The following LIN28B variants were observed in gnomAD, a reference collection of about 807,000 sequenced individuals.
LIN28B encodes lin-28 RNA binding posttranscriptional regulator B, also known as protein lin-28 homolog B.
LIN28B carries 5 observed loss-of-function variants against 21.9 expected under a neutral mutation model. The ratio of observed to expected loss-of-function variants is 0.23; its 90% confidence interval spans 0.12 to 0.48. The LOEUF is 0.48. Ranked by LOEUF, LIN28B falls within the 20% of genes least tolerant of loss-of-function variation. The pLI is 0.98. For missense variants in LIN28B, 245 were observed against 310.5 expected, an observed-to-expected ratio of 0.79 and a Z score of 1.58; for synonymous variants, 109 against 111.3, an observed-to-expected ratio of 0.98 and a Z score of 0.13.
chr6:104,990,137 T>A (rs1400863115), intron 2 of LIN28B, among the ~76,000 whole-genome samples: 2 of 152,010 alleles, frequency 1.3e-5, no homozygotes, highest in South Asian at 2.1e-4. Flanking sequence ...TAGTTACTTT[T>A]CTGTAATTGA....
intron 2 of LIN28B, among the ~76,000 whole-genome samples, chr6:104,961,624 G>A (rs922436425): frequency 6.6e-6 from 1 of 152,108 alleles, no homozygotes; most frequent in South Asian, 2.1e-4. Flanking sequence ...CTAGTCACGA[G>A]CTCCTGACCT....
At chr6:104,960,163 A>G (rs1457016467) in intron 2 of LIN28B, among the ~76,000 whole-genome samples, 1 of 152,156 alleles carries the variant, frequency 6.6e-6, no homozygotes, top group Non-Finnish European at 1.5e-5. Context: ...CAGTTCATGT[A>G]TATATTAAAA....
chr6:105,048,066 G>A (rs995718619), intron 3 of LIN28B, among the ~76,000 whole-genome samples: 9 of 152,220 alleles, frequency 5.9e-5, no homozygotes, highest in Non-Finnish European at 1.0e-4. Flanking sequence ...TTGAATAAGA[G>A]TGGTGAGAGA....
chr6:104,969,844 A>G (rs1769937919), intron 2 of LIN28B, among the ~76,000 whole-genome samples: 1 of 152,246 alleles, frequency 6.6e-6, no homozygotes, highest in South Asian at 2.1e-4. Flanking sequence ...CTGAATTAAT[A>G]ACAGCACAAG....
intron 3 of LIN28B, among the ~76,000 whole-genome samples, chr6:105,030,203 T>C (rs1771390235): frequency 2.0e-5 from 3 of 152,148 alleles, no homozygotes; most frequent in Admixed American, 6.5e-5. Flanking sequence ...CAATAAAATA[T>C]TCAATAAACA....
intron 2 of LIN28B, among the ~76,000 whole-genome samples, chr6:104,976,193 C>T (rs1019691589): frequency 3.9e-5 from 6 of 152,042 alleles, no homozygotes; most frequent in African/African-American, 1.2e-4. Context: ...TTTCTGACCT[C>T]GTGGAGCTTA....
At chr6:105,005,398 G>A (rs544229900) in intron 2 of LIN28B, among the ~76,000 whole-genome samples, 1 of 152,150 alleles carries the variant, frequency 6.6e-6, no homozygotes, top group African/African-American at 2.4e-5. Context: ...TCTCAATAAA[G>A]TGTTCTCCTT....
intron 2 of LIN28B, among the ~76,000 whole-genome samples, chr6:104,990,582 T>A (rs185523405): frequency 0.019 from 2,546 of 136,132 alleles, 69 homozygotes; most frequent in African/African-American, 0.064. Context: ...TTTTTTTTTT[T>A]ATTGATCATT....
chr6:104,997,091 C>T (rs1770621024), intron 2 of LIN28B, among the ~76,000 whole-genome samples: 2 of 151,998 alleles, frequency 1.3e-5, no homozygotes, highest in Admixed American at 6.6e-5. Flanking sequence ...ACCATCCTGG[C>T]TAACACGGTG....
At chr6:104,937,194 CA>C (rs1778019107) in intron 2 of LIN28B, 1 of 152,130 alleles carries the variant, frequency 6.6e-6, no homozygotes, top group Admixed American at 6.6e-5. Flanking sequence ...GGCTGGAGTT[CA>C]GTGGTGCGAT....
At chr6:105,035,810 C>G (rs544207322) in intron 3 of LIN28B, among the ~76,000 whole-genome samples, 1 of 152,216 alleles carries the variant, frequency 6.6e-6, no homozygotes, top group South Asian at 2.1e-4. Flanking sequence ...CATTTGTATA[C>G]TTAATTTAAA....
chr6:105,032,540 C>G (rs977967175), intron 3 of LIN28B, among the ~76,000 whole-genome samples: 14 of 151,958 alleles, frequency 9.2e-5, no homozygotes, highest in African/African-American at 2.9e-4. Context: ...GCCTGGGCAA[C>G]ATGGAGAAAC....
chr6:105,045,693 T>A (rs974521440), intron 3 of LIN28B: 1 of 152,230 alleles, frequency 6.6e-6, no homozygotes, highest in African/African-American at 2.4e-5. Context: ...TTAAAAGAGT[T>A]AATCATATCT....
intron 2 of LIN28B, among the ~76,000 whole-genome samples, chr6:104,942,559 A>G (rs1469629842): frequency 2.0e-5 from 3 of 152,114 alleles, no homozygotes; most frequent in Non-Finnish European, 2.9e-5. Flanking sequence ...CATAGATTTT[A>G]TAGAGGAGTC....
chr6:104,969,494 A>G (rs1157958087), intron 2 of LIN28B, among the ~76,000 whole-genome samples: 2 of 152,218 alleles, frequency 1.3e-5, no homozygotes, highest in African/African-American at 2.4e-5. Flanking sequence ...TATATTGGAC[A>G]TGTATAAAGC....
upstream of LIN28B, among the ~76,000 whole-genome samples, chr6:104,952,344 A>T (rs901630864): frequency 1.3e-5 from 2 of 152,218 alleles, no homozygotes; most frequent in African/African-American, 4.8e-5. Context: ...ATTCTGGGCA[A>T]AGTAATGTAA....
intron 2 of LIN28B, among the ~76,000 whole-genome samples, chr6:104,980,194 T>C (rs1048889692): frequency 1.1e-4 from 16 of 152,326 alleles, no homozygotes; most frequent in Non-Finnish European, 2.4e-4. Context: ...TTTAATAAAA[T>C]GCATAAAGTA....
Position 105,078,522 on chromosome 6 carries a change from C to T in LIN28B, c.492C>T (p.Cys164=). ...GCATCATGCACATGGTGGCAAACTG[C>T]CCACATAAAAATGTTGCACAGCCAC... The part of the protein sequence containing the change: ...CQSIMHMVAN[C]PHKNVAQPPA... Residue 164 remains cysteine, a synonymous_variant, in exon 4 of 4, where the codon TGC becomes TGT. Transcript: ENST00000345080. 1.2e-6 allele frequency: 2 copies of T among 1,614,096 alleles called. No homozygotes were observed. Among genetic ancestry groups the T allele is most frequent in the Non-Finnish European group, 1.7e-6 (2 of 1,180,008 alleles).
chr6:105,009,899 TC>T (rs1770887926), intron 2 of LIN28B, among the ~76,000 whole-genome samples: 1 of 152,176 alleles, frequency 6.6e-6, no homozygotes, highest in South Asian at 2.1e-4. Flanking sequence ...ACTTCAAAGT[TC>T]TTATACTCAT....
Sources: allele counts gnomAD v4.1 joint callset (sites outside exome capture counted in the v4.1 genomes callset), GRCh38; gene constraint gnomAD v4.1.1; transcripts MANE v1.5; gene names NCBI Gene and HGNC (gene_info 2026-07-23, HGNC 2026-07-21).